Variants in MORF4L2 observed in about 807,000 individuals in gnomAD.
MORF4L2 encodes mortality factor 4 like 2, also known as mortality factor 4-like protein 2.
A neutral mutation model predicts 12.0 loss-of-function variants in MORF4L2; 1 was observed. The ratio of observed to expected loss-of-function variants is 0.08; its 90% confidence interval spans 0.03 to 0.40. MORF4L2 has a LOEUF of 0.40. MORF4L2 is among the 10% of genes least tolerant of loss of function. MORF4L2 has a pLI of 0.98. For missense variants in MORF4L2, 123 were observed against 214.0 expected (o/e 0.57, Z 2.65); for synonymous variants, 69 against 81.6 (o/e 0.85, Z 0.83).
Position 103,676,388 on chromosome X carries a change from G to A in MORF4L2, c.640C>T (p.His214Tyr). The change falls in exon 4 of 4, where the codon CAC (histidine) becomes TAC (tyrosine). Residue 214 changes from histidine to tyrosine, a missense_variant. Physicochemically the swap from His to Tyr is moderately conservative, Grantham distance 83. Coordinates refer to ENST00000441076, the MANE Select transcript of MORF4L2 (RefSeq NM_012286.3). ...RPQYAEILLAHPDAPMSQVYG... is the reference protein window; with the variant it reads ...RPQYAEILLAYPDAPMSQVYG... ...ACCTGGGACATTGGAGCATCAGGGT[G>A]AGCCAAGAGGATTTCAGCATACTGG... The A allele has an allele frequency of 8.3e-7, 1 of 1,211,536 alleles. No homozygotes were observed. The highest frequency in any genetic ancestry group is 1.1e-6 in the Non-Finnish European group (1 of 895,380).
At chrX:103,682,920 T>C (rs1488207516) in intron 2 of MORF4L2, among the ~76,000 whole-genome samples, 1 of 111,997 alleles carries the variant, frequency 8.9e-6, no homozygotes, top group African/African-American at 3.2e-5. Flanking sequence ...ACTTTTATAG[T>C]TTTCCTCAAA....
chrX:103,677,946 A>C (rs1217356789), intron 3 of MORF4L2, among the ~76,000 whole-genome samples: 2 of 111,075 alleles, frequency 1.8e-5, no homozygotes, highest in Non-Finnish European at 3.8e-5. Context: ...TTAGGTTATT[A>C]GTATTATCAC....
At chrX:103,680,005 G>A (rs1381351533) in intron 2 of MORF4L2, among the ~76,000 whole-genome samples, 1 of 111,212 alleles carries the variant, frequency 9.0e-6, no homozygotes, top group African/African-American at 3.3e-5. Flanking sequence ...GGCCAACATG[G>A]TGAAACCCTG....
upstream of MORF4L2, chrX:103,687,374 A>G (rs955660454): frequency 5.4e-5 from 6 of 112,040 alleles, no homozygotes; most frequent in Non-Finnish European, 5.7e-5. Flanking sequence ...CATTAAGGCC[A>G]GTGTGTTAGT....
intron 2 of MORF4L2, among the ~76,000 whole-genome samples, chrX:103,681,526 T>A (rs2073983059): frequency 8.9e-6 from 1 of 111,914 alleles, no homozygotes; most frequent in South Asian, 3.7e-4. Context: ...TAATAATCAA[T>A]GAAAACATTT....
At chrX:103,677,355 C>G (rs773946395) in intron 3 of MORF4L2, among the ~76,000 whole-genome samples, 1 of 111,917 alleles carries the variant, frequency 8.9e-6, no homozygotes, top group East Asian at 2.8e-4. Context: ...AAATGAAAAA[C>G]TATAAAAGAC....
chrX:103,678,053 A>C (rs760562583), intron 3 of MORF4L2, among the ~76,000 whole-genome samples: 42 of 110,175 alleles, frequency 3.8e-4, no homozygotes, highest in Non-Finnish European at 6.1e-4. Flanking sequence ...TTAAACATAA[A>C]ATTGTAAAGC....
intron 3 of MORF4L2, among the ~76,000 whole-genome samples, chrX:103,678,239 T>G (rs1452861476): frequency 9.0e-6 from 1 of 110,628 alleles, no homozygotes; most frequent in Non-Finnish European, 1.9e-5. Context: ...GAACTTCAAG[T>G]ATGGAATTCT....
In MORF4L2 at chrX:103,675,913, G is replaced by C; in HGVS notation, c.*248C>G. 1 of 299,621 alleles carries C rather than the reference G, an allele frequency of 3.3e-6. No homozygotes were observed. The highest frequency in any genetic ancestry group is 2.7e-5 in the African/African-American group (1 of 36,781). The allele number at this position is 299,621 out of a possible 1,213,427, so 24.7% of individuals were successfully genotyped here. A position where few individuals can be genotyped will look rare whatever the true frequency, so the allele number is the denominator to read the frequency against. ...GCATTCAAGCAATGTTGTCAACTAG[G>C]CAATAAAATGTTCTACTGAATGTTT... On this transcript the variant is annotated 3_prime_UTR_variant, in exon 4 of 4. Transcript: ENST00000441076.
At chrX:103,682,751 C>T (rs1302969531) in intron 2 of MORF4L2, among the ~76,000 whole-genome samples, 11 of 111,956 alleles carry the variant, frequency 9.8e-5, no homozygotes, top group East Asian at 2.8e-4. Flanking sequence ...TTTTGTCTAA[C>T]GGTGTCTTAC....
chrX:103,677,516 G>C (rs1024558428), intron 3 of MORF4L2, among the ~76,000 whole-genome samples: 1 of 112,115 alleles, frequency 8.9e-6, no homozygotes, highest in African/African-American at 3.2e-5. Flanking sequence ...ACAGAGTCAA[G>C]AGAAACTGAA....
chrX:103,681,405 C>T (rs1488340631), intron 2 of MORF4L2, among the ~76,000 whole-genome samples: 1 of 111,816 alleles, frequency 8.9e-6, no homozygotes, highest in Non-Finnish European at 1.9e-5. Context: ...TTATTATATG[C>T]ATCCATTTTG....
intron 2 of MORF4L2, among the ~76,000 whole-genome samples, chrX:103,682,773 T>C (rs1479797968): frequency 1.8e-5 from 2 of 112,564 alleles, no homozygotes; most frequent in African/African-American, 3.2e-5. Flanking sequence ...ATGACTGTTG[T>C]ATGTATATGT....
At chrX:103,679,474 G>A (rs760703135) in intron 2 of MORF4L2, among the ~76,000 whole-genome samples, 42 of 108,796 alleles carry the variant, frequency 3.9e-4, no homozygotes, top group Admixed American at 9.8e-4. Context: ...AGCTGAGATT[G>A]AGATCGTACC....
chrX:103,687,776 C>T (rs755051359), upstream of MORF4L2, among the ~76,000 whole-genome samples: 6 of 110,999 alleles, frequency 5.4e-5, no homozygotes, highest in African/African-American at 6.6e-5. Flanking sequence ...AGAGCCAAAC[C>T]CTTCCATCGC....
intron 2 of MORF4L2, among the ~76,000 whole-genome samples, chrX:103,682,921 T>C (rs183355120): frequency 1.8e-5 from 2 of 112,084 alleles, no homozygotes; most frequent in Admixed American, 1.9e-4. Flanking sequence ...CTTTTATAGT[T>C]TTCCTCAAAT....
intron 3 of MORF4L2, among the ~76,000 whole-genome samples, chrX:103,677,660 C>T (rs2073878818): frequency 8.9e-6 from 1 of 112,346 alleles, no homozygotes; most frequent in African/African-American, 3.2e-5. Context: ...AATGACAGAA[C>T]ATAGGTAATT....
chrX:103,678,129 C>T (rs1326978350), intron 3 of MORF4L2, among the ~76,000 whole-genome samples: 3 of 109,410 alleles, frequency 2.7e-5, no homozygotes, highest in African/African-American at 1.0e-4. Flanking sequence ...AAATAAAGCT[C>T]GGGTGAGAAG....
chrX:103,683,780 T>G (rs1394485996), intron 2 of MORF4L2, among the ~76,000 whole-genome samples: 2 of 111,395 alleles, frequency 1.8e-5, no homozygotes, highest in African/African-American at 6.5e-5. Context: ...CTACCCATCC[T>G]CTGTGGCTCA....
Sources: allele counts gnomAD v4.1 joint callset (sites outside exome capture counted in the v4.1 genomes callset), GRCh38; gene constraint gnomAD v4.1.1; transcripts MANE v1.5; gene names NCBI Gene and HGNC (gene_info 2026-07-23, HGNC 2026-07-21).